The following RPIA variants were observed in gnomAD, a reference collection of about 807,000 sequenced individuals.
RPIA encodes the protein ribose-5-phosphate isomerase.
A neutral mutation model predicts 37.8 loss-of-function variants in RPIA; 29 were observed. The ratio of observed to expected loss-of-function variants is 0.77; its 90% CI spans 0.57 to 1.05. RPIA has a LOEUF of 1.05. Ranked by LOEUF, RPIA falls within the 50% of genes least tolerant of loss-of-function variation. RPIA has a pLI of 0.00. For synonymous variants in RPIA, 167 were observed against 157.0 expected (o/e 1.06, Z -0.48); for missense variants, 385 against 413.6 (o/e 0.93, Z 0.60).
chr2:88,727,735 C>A (rs13431832), intron 3 of RPIA, among the ~76,000 whole-genome samples: 9,208 of 152,250 alleles, frequency 0.06, 493 homozygotes, highest in African/African-American at 0.14. Flanking sequence ...TTGTTTTTAA[C>A]GGCTGCATAG....
At chr2:88,739,443 C>T (rs112081469) in intron 8 of RPIA, among the ~76,000 whole-genome samples, 10,211 of 152,164 alleles carry the variant, frequency 0.067, 438 homozygotes, top group Non-Finnish European at 0.094. Context: ...GAGTTAAAAC[C>T]GTGCCCATTG....
At position 88,691,871 on chromosome 2, in the gene RPIA, C is replaced by T; in HGVS notation, c.173C>T (p.Thr58Ile). The change falls in exon 1 of 9, where the codon ACA (threonine) becomes ATA (isoleucine). Residue 58 changes from threonine to isoleucine, a missense_variant. Thr to Ile is a moderately conservative substitution (Grantham distance 89, BLOSUM62 -1). Around this residue, in one of 2 missense-constraint regions of RPIA, gnomAD observed 232 missense variants for 203.0 expected, o/e 1.14. Transcript: ENST00000283646. Reference protein sequence around the residue: ...QSGTRGGAGNTSTSCGDSNSI... With the variant: ...QSGTRGGAGNISTSCGDSNSI... The stretch of plus-strand genomic sequence containing the variant: ...GGGACCCGTGGCGGTGCTGGCAACA[C>T]AAGCACCAGCTGCGGGGACTCCAAC... 3 of 1,595,282 alleles carry T rather than the reference C, an allele frequency of 1.9e-6. No homozygotes were observed. Among genetic ancestry groups the T allele is most frequent in the East Asian group, 2.3e-5 (1 of 44,226 alleles).
intron 3 of RPIA, among the ~76,000 whole-genome samples, chr2:88,726,502 T>G (rs1673198651): frequency 6.6e-6 from 1 of 152,174 alleles, no homozygotes; most frequent in African/African-American, 2.4e-5. Flanking sequence ...TTCATTTGTA[T>G]AAGAATAGAG....
intron 8 of RPIA, among the ~76,000 whole-genome samples, chr2:88,741,715 T>C (rs1673385528): frequency 6.6e-6 from 1 of 152,232 alleles, no homozygotes; most frequent in Non-Finnish European, 1.5e-5. Context: ...AAGTATTCCC[T>C]TTTCACTGCA....
chr2:88,709,651 G>T (rs1023911474), intron 3 of RPIA, among the ~76,000 whole-genome samples: 1 of 152,172 alleles, frequency 6.6e-6, no homozygotes, highest in African/African-American at 2.4e-5. Flanking sequence ...ATTTGCAAGT[G>T]GGGGAAAGGT....
intron 3 of RPIA, among the ~76,000 whole-genome samples, chr2:88,724,388 C>T (rs1229443232): frequency 2.6e-5 from 4 of 151,564 alleles, no homozygotes; most frequent in African/African-American, 9.7e-5. Context: ...CTCACTTCAA[C>T]CTCCACCTCC....
At chr2:88,694,741 C>T (rs1456192757) in intron 1 of RPIA, among the ~76,000 whole-genome samples, 1 of 152,058 alleles carries the variant, frequency 6.6e-6, no homozygotes, top group Non-Finnish European at 1.5e-5. Context: ...TAAAGAAATT[C>T]TGTGACCTAT....
rs368173743 is a variant in RPIA, at chr2:88,729,264, C to T, written c.403-14C>T. On this transcript the variant is annotated splice_polypyrimidine_tract_variant and intron_variant, in intron 3 of 8. Coordinates refer to ENST00000283646, the MANE Select transcript of RPIA (RefSeq NM_144563.3). ...AAGTAAATGATCGTGGTTGCTCTTC[C>T]CTGTCCTCCGCAGGCCCGCCAGCTC... 1.9e-6 allele frequency: 3 copies of T among 1,614,008 alleles called. No homozygotes were observed. The highest frequency in any genetic ancestry group is 2.5e-6 in the Non-Finnish European group (3 of 1,179,926).
chr2:88,721,847 T>A (rs1247796644), intron 3 of RPIA, among the ~76,000 whole-genome samples: 1 of 151,390 alleles, frequency 6.6e-6, no homozygotes, highest in East Asian at 1.9e-4. Context: ...GTAGATCCCT[T>A]AAGAAATCAA....
At chr2:88,721,950 A>C (rs1673137804) in intron 3 of RPIA, among the ~76,000 whole-genome samples, 1 of 151,220 alleles carries the variant, frequency 6.6e-6, no homozygotes, top group South Asian at 2.1e-4. Context: ...ATTTGTGTTT[A>C]ATTATAGACA....
chr2:88,702,491 G>A (rs753053292), intron 3 of RPIA, among the ~76,000 whole-genome samples: 1 of 133,904 alleles, frequency 7.5e-6, no homozygotes, highest in Non-Finnish European at 1.6e-5. Flanking sequence ...CTCGTTTTAC[G>A]TGGATGGCAG....
rs145941891 is a variant in RPIA at position 88,747,923 on chromosome 2, A to G, written c.839-2058A>G. ...GTGGTGGTTCTTGGAGCAAAAGTTC[A>G]CAATGTGTGTCTCCACACACTGTTC... On this transcript the variant is annotated intron_variant, in intron 8 of 8. Coordinates refer to ENST00000283646, the MANE Select transcript of RPIA (RefSeq NM_144563.3). Among the ~76,000 whole-genome samples, 539 of 152,316 alleles carry G rather than the reference A, an allele frequency of 3.5e-3. 2 individuals are homozygous for G. Among genetic ancestry groups the G allele is most frequent in the African/African-American group, 0.013 (521 of 41,572 alleles).
intron 8 of RPIA, among the ~76,000 whole-genome samples, chr2:88,748,861 C>T (rs752926510): frequency 1.3e-5 from 2 of 152,048 alleles, no homozygotes; most frequent in Non-Finnish European, 2.9e-5. Flanking sequence ...CAGGCATGTG[C>T]CAGCATGCTT....
intron 8 of RPIA, among the ~76,000 whole-genome samples, chr2:88,745,834 C>T (rs950189884): frequency 1.3e-5 from 2 of 152,136 alleles, no homozygotes; most frequent in Admixed American, 1.3e-4. Context: ...CCAGCAATAC[C>T]AGGAAAGTTT....
chr2:88,718,711 G>T (rs1179092986), intron 3 of RPIA, among the ~76,000 whole-genome samples: 1 of 152,134 alleles, frequency 6.6e-6, no homozygotes, highest in African/African-American at 2.4e-5. Flanking sequence ...GCCCCATTAC[G>T]AATGAAAACA....
chr2:88,734,440 C>A, intron 4 of RPIA, 112 bp from the exon 5 acceptor site: 2 of 988,874 alleles, frequency 2.0e-6, no homozygotes, highest in South Asian at 1.3e-5. Flanking sequence ...AATGGGAGTA[C>A]TAGAATTAGC....
At chr2:88,694,807 C>T (rs73951943) in intron 1 of RPIA, among the ~76,000 whole-genome samples, 9,373 of 151,912 alleles carry the variant, frequency 0.062, 512 homozygotes, top group African/African-American at 0.14. Flanking sequence ...TGTTCCATAC[C>T]CTGGAGGAAG....
chr2:88,734,482 C>G (rs974051338), intron 4 of RPIA, 70 bp from the exon 5 acceptor site: 1 of 1,424,802 alleles, frequency 7.0e-7, no homozygotes, highest in South Asian at 1.1e-5. Flanking sequence ...GATGAGCTAT[C>G]GCATGCTCAG....
chr2:88,726,706 AT>A (rs1673201137), intron 3 of RPIA, among the ~76,000 whole-genome samples: 1 of 152,160 alleles, frequency 6.6e-6, no homozygotes, highest in Non-Finnish European at 1.5e-5. Context: ...CATGACAGCT[AT>A]TTTTAAAACG....
Sources: gnomAD v4.1 joint callset for allele counts (sites outside exome capture counted in the v4.1 genomes callset) on GRCh38, gnomAD v4.1.1 for gene constraint, gnomAD v4.1.1 regional missense constraint, MANE v1.5 for transcripts, NCBI Gene and HGNC (gene_info 2026-07-23, HGNC 2026-07-21) for gene names.